The following CIRBP variants were observed in gnomAD, a reference collection of about 807,000 sequenced individuals.
The protein encoded by CIRBP is cold-inducible RNA-binding protein.
In CIRBP, 11 loss-of-function variants were observed where a neutral mutation model predicts 22.3. That is an observed-to-expected ratio of 0.49 (90% CI 0.31 to 0.82). CIRBP has a LOEUF of 0.82. CIRBP is among the 40% of genes least tolerant of loss of function. The pLI, the probability that CIRBP is intolerant of heterozygous loss-of-function variation, is 0.05. For missense variants in CIRBP, 456 were observed against 402.7 expected (o/e 1.13, Z -1.13); for synonymous variants, 216 against 158.8 (o/e 1.36, Z -2.71).
At chr19:1,270,588 C>G (rs901615235) in intron 1 of CIRBP, among the ~76,000 whole-genome samples, 1 of 151,848 alleles carries the variant, frequency 6.6e-6, no homozygotes, top group African/African-American at 2.4e-5. Flanking sequence ...GGCAACAGAG[C>G]AAGACCCCAT....
At position 1,272,773 on chromosome 19, in the gene CIRBP, T is replaced by G; in HGVS notation, c.*330T>G. The G allele has an allele frequency of 4.5e-6, 1 of 220,494 alleles. No homozygotes were observed. Among genetic ancestry groups the G allele is most frequent in the Non-Finnish European group, 8.9e-6 (1 of 111,772 alleles). The allele number at this position is 220,494 out of a possible 1,614,324, so 13.7% of individuals were successfully genotyped here. On this transcript the variant is annotated 3_prime_UTR_variant, in exon 6 of 6. Coordinates refer to ENST00000587896, the MANE Select transcript of CIRBP (RefSeq NM_001300829.2). Reference sequence around the variant, plus strand: ...GTTTTTGTTTTAGTTTTTGGTTGCGTTGCCTTTTTTTTTTTAGTGGGGTTG... The same window carrying G: ...GTTTTTGTTTTAGTTTTTGGTTGCGGTGCCTTTTTTTTTTTAGTGGGGTTG...
Position 1,272,113 on chromosome 19 carries a change from G to C in CIRBP, c.564G>C (p.Leu188Phe). 6.2e-7 allele frequency: 1 copy of C among 1,613,798 alleles called. No individual in the cohort carries two copies. The highest frequency in any genetic ancestry group is 2.2e-5 in the East Asian group (1 of 44,886). ...CTGCGGTGGGAGCTCGGTTCACCTT[G>C]GTGCCCTCTCCAAGCACTTTAGGCT... Reference protein sequence around the residue: ...LWPAVGARFTLVPSPSTLGWT... With the variant: ...LWPAVGARFTFVPSPSTLGWT... The change falls in exon 6 of 6, where the codon TTG becomes TTC. Residue 188 changes from leucine to phenylalanine, a missense_variant. Transcript: ENST00000587896.
rs898564377 is a variant in CIRBP at position 1,272,972 on chromosome 19, C to T, written c.*529C>T. On this transcript the variant is annotated 3_prime_UTR_variant, in exon 6 of 6. Coordinates refer to ENST00000587896, the MANE Select transcript of CIRBP (RefSeq NM_001300829.2). ...AGCAACTGCCCTGGAGCCCCAGCCC[C>T]TGCGTCCATCTGTGCTGTGCGCCCC... The T allele has an allele frequency of 3.9e-5, 6 of 154,798 alleles. No homozygotes were observed. The highest frequency in any genetic ancestry group is 7.2e-5 in the Non-Finnish European group (5 of 69,644). 9.6% of individuals were successfully genotyped at this position (154,798 alleles called of 1,614,324 possible). A position where few individuals can be genotyped will look rare whatever the true frequency, so the allele number is the denominator to read the frequency against.
In CIRBP at chr19:1,273,210, T is replaced by G. The variant is rs1448846856; in HGVS notation, c.*767T>G. 2.0e-5 allele frequency: 3 copies of G among 152,322 alleles called. No homozygotes were observed. Among genetic ancestry groups the G allele is most frequent in the African/African-American group, 7.2e-5 (3 of 41,556 alleles). 9.4% of individuals were successfully genotyped at this position (152,322 alleles called of 1,614,324 possible). On this transcript the variant is annotated 3_prime_UTR_variant, in exon 6 of 6. Transcript: ENST00000587896. ...AATTCCCTTGCATTGCACCACACAC[T>G]CCTTGCTGCGGGCTCCTGCAGCCAG...
rs750541427 is a variant in CIRBP, at chr19:1,271,569, A to G, written c.368A>G (p.Tyr123Cys). The G allele has an allele frequency of 6.4e-6, 10 of 1,571,964 alleles. No individual in the cohort carries two copies. The Admixed American group carries it at 1.7e-4, about 26-fold the overall frequency. ...GFSRGGGDRGYGGNRFESRSG... is the reference protein window; with the variant it reads ...GFSRGGGDRGCGGNRFESRSG... Reference sequence around the variant, plus strand: ...TGTGCAGGAGGAGGGGACCGAGGCTATGGGGGGAACCGGTTCGAGTCCAGG... The same window carrying G: ...TGTGCAGGAGGAGGGGACCGAGGCTGTGGGGGGAACCGGTTCGAGTCCAGG... The change falls in exon 5 of 6, where the codon TAT becomes TGT. Residue 123 changes from tyrosine to cysteine, a missense_variant. Around this residue, in one of 2 missense-constraint regions of CIRBP, gnomAD observed 426 missense variants for 339.6 expected, o/e 1.25. Coordinates refer to ENST00000587896, the MANE Select transcript of CIRBP (RefSeq NM_001300829.2).
chr19:1,272,564 C>A lies in CIRBP; in HGVS notation c.*121C>A, dbSNP rs192133179. On this transcript the variant is annotated 3_prime_UTR_variant, in exon 6 of 6. Transcript: ENST00000587896. Reference sequence around the variant, plus strand: ...TGTATTCCCACTTTCGTAGTCATTTCGGTTCTGATCTTGTCAAACCCAGCC... The same window carrying A: ...TGTATTCCCACTTTCGTAGTCATTTAGGTTCTGATCTTGTCAAACCCAGCC... The A allele has an allele frequency of 4.4e-6, 4 of 915,752 alleles. No homozygotes were observed. The highest frequency in any genetic ancestry group is 6.7e-6 in the Non-Finnish European group (4 of 596,104). 56.7% of individuals were successfully genotyped at this position (915,752 alleles called of 1,614,324 possible).
At chr19:1,271,275 C>T (rs12609287) in intron 3 of CIRBP, 29 bp downstream of exon 3, 1,227,163 of 1,613,750 alleles carry the variant, frequency 0.76, 469,395 homozygotes, top group East Asian at 0.97. Context: ...AGCAGGAGTC[C>T]CGTCTCGAGG....
At position 1,271,488 on chromosome 19, in the gene CIRBP, C is replaced by T. The variant is rs1350126326; in HGVS notation, c.349+21C>T. 2.5e-6 allele frequency: 4 copies of T among 1,603,422 alleles called. No individual in the cohort carries two copies. The African/African-American group carries it at 5.4e-5, about 21-fold the overall frequency. On this transcript the variant is annotated intron_variant, in intron 4 of 5. Transcript: ENST00000587896. The stretch of plus-strand genomic sequence containing the variant: ...TAGAGGTGAGTGCCATGAGTGGGTC[C>T]CTTGGGGATGCTGTGAGGTACTGCT...
Position 1,273,671 on chromosome 19 carries a change from GC to G in CIRBP, c.*1229del, listed in dbSNP as rs2081378297. The G allele has an allele frequency of 6.6e-6, 1 of 152,252 alleles. No individual in the cohort carries two copies. Among genetic ancestry groups the G allele is most frequent in the Non-Finnish European group, 1.5e-5 (1 of 68,064 alleles). 9.4% of individuals were successfully genotyped at this position (152,252 alleles called of 1,614,324 possible). A position where few individuals can be genotyped will look rare whatever the true frequency, so the allele number is the denominator to read the frequency against. ...AACAGAACCCTCTGAGACGCAAGCT[GC>G]TCCCTTGGCTAGCTCATATGTGGAA... On this transcript the variant is annotated 3_prime_UTR_variant, in exon 6 of 6. Transcript: ENST00000587896.
rs769834824 is a variant in CIRBP, at chr19:1,269,954, T to C, written c.-7+544T>C. 3.3e-5 allele frequency: 17 copies of C among 519,846 alleles called. No homozygotes were observed. The East Asian group carries it at 9.3e-4, about 28-fold the overall frequency. 32.2% of individuals were successfully genotyped at this position (519,846 alleles called of 1,614,324 possible). A position where few individuals can be genotyped will look rare whatever the true frequency, so the allele number is the denominator to read the frequency against. On this transcript the variant is annotated intron_variant, in intron 1 of 5. Transcript: ENST00000587896. ...CACGTCGTGCTTTGCGCCCAAAGTT[T>C]GGTCCAAGTTGGCACAGCTCCCAGT... is the stretch of plus-strand genomic sequence containing the variant.
At position 1,274,614 on chromosome 19, in the gene CIRBP, C is replaced by G. The variant is rs1188988174; in HGVS notation, c.*2171C>G. 3.5e-6 allele frequency: 1 copy of G among 282,508 alleles called. No individual in the cohort carries two copies. The highest frequency in any genetic ancestry group is 2.2e-5 in the African/African-American group (1 of 45,846). 17.5% of individuals were successfully genotyped at this position (282,508 alleles called of 1,614,324 possible). ...AGCGCCGGGTCCCCCGCCTGGAGCC[C>G]GCGCCTGTTCTCCCTCCCTTCCTCC... On this transcript the variant is annotated 3_prime_UTR_variant, in exon 6 of 6. Transcript: ENST00000587896.
In CIRBP at chr19:1,271,854, G is replaced by T. The variant is rs376031357; in HGVS notation, c.432-127G>T. 32 of 841,354 alleles carry T rather than the reference G, an allele frequency of 3.8e-5. No homozygotes were observed. In the African/African-American group the frequency reaches 4.1e-4, roughly 11 times the overall value. The allele number at this position is 841,354 out of a possible 1,614,324, so 52.1% of individuals were successfully genotyped here. A position where few individuals can be genotyped will look rare whatever the true frequency, so the allele number is the denominator to read the frequency against. Reference sequence around the variant, plus strand: ...GATTTTGAACAATTTCCAAGATGCTGCCCTGCTGGGGTCCTTGTTGTGTCC... The same window carrying T: ...GATTTTGAACAATTTCCAAGATGCTTCCCTGCTGGGGTCCTTGTTGTGTCC... On this transcript the variant is annotated intron_variant, in intron 5 of 5. Coordinates refer to ENST00000587896, the MANE Select transcript of CIRBP (RefSeq NM_001300829.2).
In CIRBP at chr19:1,274,263, G is replaced by A. The variant is rs1022172166; in HGVS notation, c.*1820G>A. On this transcript the variant is annotated 3_prime_UTR_variant, in exon 6 of 6. Coordinates refer to ENST00000587896, the MANE Select transcript of CIRBP (RefSeq NM_001300829.2). ...GGGAGGCCGGGAGGGGCAGCTGTGA[G>A]CCCTGTGGAGGACGTTGGGAGTAAC... The A allele has an allele frequency of 1.0e-5, 4 of 401,048 alleles. No homozygotes were observed. The highest frequency in any genetic ancestry group is 2.1e-5 in the African/African-American group (1 of 48,704). 24.8% of individuals were successfully genotyped at this position (401,048 alleles called of 1,614,324 possible).
chr19:1,270,356 G>C lies in CIRBP; in HGVS notation c.-6-572G>C, dbSNP rs749244135. On this transcript the variant is annotated intron_variant, in intron 1 of 5. Coordinates refer to ENST00000587896, the MANE Select transcript of CIRBP (RefSeq NM_001300829.2). ...CGTTCGGAAATAGGAGAACCTGAGA[G>C]TGCAGTCCTGCCCAGGGCACAACTG... 5 of 353,404 alleles carry C rather than the reference G, an allele frequency of 1.4e-5. 1 individual carries two copies. Among genetic ancestry groups the C allele is most frequent in the Non-Finnish European group, 2.2e-5 (4 of 177,818 alleles). 21.9% of individuals were successfully genotyped at this position (353,404 alleles called of 1,614,324 possible).
chr19:1,269,727 C>T, intron 1 of CIRBP: 1 of 363,944 alleles, frequency 2.7e-6, no homozygotes, highest in Non-Finnish European at 5.4e-6. Context: ...GGCGCATGCG[C>T]ACGCGGCGGG....
Position 1,271,195 on chromosome 19 carries a change from C to G in CIRBP, c.159C>G (p.Thr53=), listed in dbSNP as rs1600021457. Residue 53 remains threonine, a synonymous_variant, in exon 3 of 6, where the codon ACC becomes ACG. Coordinates refer to ENST00000587896, the MANE Select transcript of CIRBP (RefSeq NM_001300829.2). Reference sequence around the variant, plus strand: ...GATCTCGGGGATTTGGGTTTGTCACCTTTGAGAACATTGACGACGCTAAGG... The same window carrying G: ...GATCTCGGGGATTTGGGTTTGTCACGTTTGAGAACATTGACGACGCTAAGG... ...TQRSRGFGFV[T]FENIDDAKDA... 9.9e-6 allele frequency: 16 copies of G among 1,614,022 alleles called. No homozygotes were observed. Among genetic ancestry groups the G allele is most frequent in the East Asian group, 2.2e-5 (1 of 44,890 alleles).
At chr19:1,270,653 G>A (rs1200205600) in intron 1 of CIRBP, among the ~76,000 whole-genome samples, 2 of 151,880 alleles carry the variant, frequency 1.3e-5, no homozygotes, top group Non-Finnish European at 2.9e-5. Context: ...TACACCTACA[G>A]TCCCAGTTTC....
At position 1,274,188 on chromosome 19, in the gene CIRBP, A is replaced by C. The variant is rs7250321; in HGVS notation, c.*1745A>C. Reference sequence around the variant, plus strand: ...CTGGCCTGTGACGGAGCCTGAGGTCACAGCCCCCTGACTAGCCTGAGACCT... The same window carrying C: ...CTGGCCTGTGACGGAGCCTGAGGTCCCAGCCCCCTGACTAGCCTGAGACCT... On this transcript the variant is annotated 3_prime_UTR_variant, in exon 6 of 6. Coordinates refer to ENST00000587896, the MANE Select transcript of CIRBP (RefSeq NM_001300829.2). The C allele has an allele frequency of 2.5e-6, 1 of 397,802 alleles. No homozygotes were observed. Among genetic ancestry groups the C allele is most frequent in the Non-Finnish European group, 4.4e-6 (1 of 225,272 alleles). The allele number at this position is 397,802 out of a possible 1,614,324, so 24.6% of individuals were successfully genotyped here.
In CIRBP at chr19:1,272,023, G is replaced by T. The variant is rs2081350190; in HGVS notation, c.474G>T (p.Gly158=). 1.9e-6 allele frequency: 3 copies of T among 1,613,814 alleles called. No homozygotes were observed. Among genetic ancestry groups the T allele is most frequent in the Admixed American group, 3.3e-5 (2 of 59,998 alleles). Residue 158 remains glycine, a synonymous_variant, in exon 6 of 6, where the codon GGG becomes GGT. Coordinates refer to ENST00000587896, the MANE Select transcript of CIRBP (RefSeq NM_001300829.2). ...GCTACAGTGACCGGAGCTCGGGCGG[G>T]TCCTACAGAGACAGTTATGACAGTT... The part of the protein sequence containing the change: ...SGGYSDRSSG[G]SYRDSYDSYG...
Sources: gnomAD v4.1 joint callset for allele counts (sites outside exome capture counted in the v4.1 genomes callset) on GRCh38, gnomAD v4.1.1 for gene constraint, gnomAD v4.1.1 regional missense constraint, MANE v1.5 for transcripts, NCBI Gene and HGNC (gene_info 2026-07-23, HGNC 2026-07-21) for gene names.